KSR1: variants seen among roughly 807,000 people sequenced by gnomAD.
KSR1 encodes the protein kinase suppressor of ras 1.
KSR1 carries 35 observed loss-of-function variants against 92.9 expected under a neutral mutation model. The ratio of observed to expected loss-of-function variants is 0.38; its 90% CI spans 0.29 to 0.50. KSR1 has a LOEUF of 0.50. Ranked by LOEUF, KSR1 falls within the 20% of genes least tolerant of loss-of-function variation. The pLI is 0.94. For synonymous variants in KSR1, 467 were observed against 472.6 expected, an observed-to-expected ratio of 0.99 and a Z score of 0.15; for missense variants, 972 against 1,158.5, an observed-to-expected ratio of 0.84 and a Z score of 2.34.
At chr17:27,555,511 C>CGT (rs71359222) in intron 2 of KSR1, among the ~76,000 whole-genome samples, 4,721 of 150,128 alleles carry the variant, frequency 0.031, 94 homozygotes, top group African/African-American at 0.049. Flanking sequence ...TTTTGTTTGG[C>CGT]GTGTGTGTGT....
At chr17:27,611,444 A>G in intron 17 of KSR1, 50 bp from the exon 18 acceptor site, 5 of 1,612,032 alleles carry the variant, frequency 3.1e-6, no homozygotes, top group Non-Finnish European at 3.4e-6. Flanking sequence ...CCTGGGCTTG[A>G]GCTGGGCACA....
intron 13 of KSR1, 48 bp downstream of exon 13, chr17:27,604,776 C>T: frequency 6.3e-7 from 1 of 1,593,904 alleles, no homozygotes. Flanking sequence ...CTCTTTTTTC[C>T]CTTCCCCATC....
intron 10 of KSR1, among the ~76,000 whole-genome samples, chr17:27,599,909 C>CA (rs1272631269): frequency 1.3e-5 from 2 of 151,850 alleles, no homozygotes; most frequent in Non-Finnish European, 1.5e-5. Context: ...CTAAGACACA[C>CA]ACGCTAGCCT....
intron 1 of KSR1, among the ~76,000 whole-genome samples, chr17:27,506,090 T>A (rs2069369671): frequency 6.6e-6 from 1 of 152,246 alleles, no homozygotes; most frequent in Non-Finnish European, 1.5e-5. Flanking sequence ...AAACTTTTCA[T>A]ATTTCTATGC....
chr17:27,460,608 T>TG (rs1348946811), intron 1 of KSR1, among the ~76,000 whole-genome samples: 1 of 152,148 alleles, frequency 6.6e-6, no homozygotes, highest in Non-Finnish European at 1.5e-5. Context: ...CCTGAGCAGT[T>TG]GCCCTGGAGC....
chr17:27,529,566 C>T (rs531819099), intron 1 of KSR1, among the ~76,000 whole-genome samples: 3 of 152,314 alleles, frequency 2.0e-5, no homozygotes, highest in African/African-American at 7.2e-5. Flanking sequence ...ACTGGGGAGT[C>T]CCTCTGCCAA....
Position 27,577,563 on chromosome 17 carries a change from G to T in KSR1, c.444G>T (p.Arg148=). 1 of 1,605,800 alleles carries T rather than the reference G, an allele frequency of 6.2e-7. No homozygotes were observed. The highest frequency in any genetic ancestry group is 8.5e-7 in the Non-Finnish European group (1 of 1,178,830). ...MNEAKVKETL[R]RCGASGDECG... ...AGGCCAAGGTGAAGGAGACGCTGCG[G>T]CGCTGTGGGGCCAGCGGGGATGAGT... The change falls in exon 3 of 21, where the codon CGG becomes CGT. Residue 148 remains arginine, a synonymous_variant. Coordinates refer to ENST00000644974, the MANE Select transcript of KSR1 (RefSeq NM_001394583.1). The surrounding 1 kb of genome is among the most constrained non-coding windows in gnomAD (Gnocchi z 4.5).
rs958285886 is a variant in KSR1, at chr17:27,553,444, A to G, written c.372+2736A>G. On this transcript the variant is annotated intron_variant, in intron 2 of 20. Coordinates refer to ENST00000644974, the MANE Select transcript of KSR1 (RefSeq NM_001394583.1). ...GAGCTTAGGACAGAGAGGGCGGCAC[A>G]CCAGCCTGACAGAGCTGGGCCAAGT... 2.1e-4 allele frequency among the ~76,000 whole-genome samples: 32 copies of G among 152,286 alleles called. 1 individual carries two copies. The highest frequency in any genetic ancestry group is 2.1e-3 in the Admixed American group (32 of 15,296).
intron 16 of KSR1, chr17:27,609,726 G>A (rs912281749): frequency 2.9e-6 from 1 of 340,604 alleles, no homozygotes; most frequent in African/African-American, 2.1e-5. Flanking sequence ...TGCAAGGCCA[G>A]CCCCAGCCAA....
intron 1 of KSR1, among the ~76,000 whole-genome samples, chr17:27,525,503 A>T (rs1023823390): frequency 6.6e-6 from 1 of 152,238 alleles, no homozygotes; most frequent in Non-Finnish European, 1.5e-5. Flanking sequence ...GCTAAGAACC[A>T]TGGTAAGGAT....
intron 1 of KSR1, among the ~76,000 whole-genome samples, chr17:27,506,769 T>G (rs1469350106): frequency 1.4e-5 from 2 of 148,084 alleles, no homozygotes; most frequent in Admixed American, 6.9e-5. Flanking sequence ...GCAGGTGTCA[T>G]GAGTCATGGA....
At chr17:27,612,373 G>T (rs2151252303) in intron 18 of KSR1, among the ~76,000 whole-genome samples, 1 of 152,314 alleles carries the variant, frequency 6.6e-6, no homozygotes, top group Admixed American at 6.5e-5. Flanking sequence ...TCAGTCCAAG[G>T]TTAGACAGGT....
chr17:27,518,710 A>G (rs1402304180), intron 1 of KSR1, among the ~76,000 whole-genome samples: 2 of 152,220 alleles, frequency 1.3e-5, no homozygotes, highest in African/African-American at 4.8e-5. Flanking sequence ...GAGTCGGGAA[A>G]GCTTAAGGCT....
At chr17:27,548,321 G>A (rs2151084433) in intron 1 of KSR1, among the ~76,000 whole-genome samples, 1 of 152,180 alleles carries the variant, frequency 6.6e-6, no homozygotes, top group South Asian at 2.1e-4. Context: ...ATTTCTAAAA[G>A]GGTCTATGGC....
chr17:27,543,953 C>T (rs1035851355), intron 1 of KSR1, among the ~76,000 whole-genome samples: 14 of 152,182 alleles, frequency 9.2e-5, no homozygotes, highest in African/African-American at 3.4e-4. Context: ...GGCAGATTCC[C>T]ACCCATATCT....
At chr17:27,483,455 C>T (rs1306397537) in intron 1 of KSR1, among the ~76,000 whole-genome samples, 7 of 152,008 alleles carry the variant, frequency 4.6e-5, no homozygotes, top group Non-Finnish European at 7.4e-5. Flanking sequence ...GGCATGGTGG[C>T]GCATGCCTGT....
chr17:27,600,409 CA>C (rs1447271170), intron 10 of KSR1, among the ~76,000 whole-genome samples: 2 of 151,906 alleles, frequency 1.3e-5, no homozygotes, highest in Admixed American at 1.3e-4. Context: ...CATTGCATTC[CA>C]GCCTGGACAA....
intron 1 of KSR1, among the ~76,000 whole-genome samples, chr17:27,461,929 C>T (rs942568065): frequency 1.9e-5 from 2 of 106,452 alleles, no homozygotes; most frequent in African/African-American, 3.1e-5. Flanking sequence ...TCTGCAATGC[C>T]GGGGAGAAGC....
At position 27,588,492 on chromosome 17, in the gene KSR1, C is replaced by G; in HGVS notation, c.1003C>G (p.Pro335Ala). The G allele has an allele frequency of 6.3e-7, 1 of 1,589,152 alleles. No homozygotes were observed. Among genetic ancestry groups the G allele is most frequent in the South Asian group, 1.2e-5 (1 of 85,618 alleles). Residue 335 changes from proline to alanine, a missense_variant, in exon 6 of 21, where the codon CCA becomes GCA. Around this residue, in one of 5 missense-constraint regions of KSR1, gnomAD observed 611 missense variants for 668.0 expected, o/e 0.91. Transcript: ENST00000644974. The part of the protein sequence containing the change: ...SMRFDLSHGS[P>A]QMVRRDIGLS... ...CCCTGCAGATCTCTCGCATGGATCCCCACAGATGGTACGGAGGGATATCGG... is the reference window on the plus strand; with the variant it reads ...CCCTGCAGATCTCTCGCATGGATCCGCACAGATGGTACGGAGGGATATCGG...
Sources: allele counts gnomAD v4.1 joint callset (sites outside exome capture counted in the v4.1 genomes callset), GRCh38; gene constraint gnomAD v4.1.1; regional missense constraint gnomAD v4.1.1; non-coding constraint Gnocchi (gnomAD v3.1); transcripts MANE v1.5; gene names NCBI Gene and HGNC (gene_info 2026-07-23, HGNC 2026-07-21).